Variants in FHIT observed in about 807,000 individuals in gnomAD.
FHIT encodes the protein fragile histidine triad diadenosine triphosphatase.
A neutral mutation model predicts 17.9 loss-of-function variants in FHIT; 19 were observed. That is an observed-to-expected ratio of 1.06 (90% CI 0.74 to 1.56). The LOEUF is 1.56. Among genes scored for constraint, FHIT ranks in the 40% most tolerant of loss-of-function variants. The pLI, the probability that FHIT is intolerant of heterozygous loss-of-function variation, is 0.00. For synonymous variants in FHIT, 81 were observed against 69.7 expected (o/e 1.16, Z -0.81); for missense variants, 248 against 189.2 (o/e 1.31, Z -1.82).
chr3:60,963,923 G>C (rs1023560096), intron 3 of FHIT, among the ~76,000 whole-genome samples: 2 of 152,204 alleles, frequency 1.3e-5, no homozygotes, highest in Non-Finnish European at 2.9e-5. Context: ...TTGGGGTGGA[G>C]AGTTCTGTAG....
chr3:59,873,070 ATTCC>A (rs1197471642), intron 8 of FHIT, among the ~76,000 whole-genome samples: 2 of 152,164 alleles, frequency 1.3e-5, no homozygotes, highest in Admixed American at 6.5e-5. Context: ...TTTTGACACA[ATTCC>A]TTCCTTCCTT....
chr3:60,135,585 T>C (rs1699784028), intron 5 of FHIT, among the ~76,000 whole-genome samples: 1 of 152,076 alleles, frequency 6.6e-6, no homozygotes, highest in African/African-American at 2.4e-5. Context: ...GAAGAGGTTC[T>C]ACATGAAGTA....
chr3:61,010,075 C>T (rs1350829823), intron 3 of FHIT, among the ~76,000 whole-genome samples: 1 of 152,118 alleles, frequency 6.6e-6, no homozygotes, highest in African/African-American at 2.4e-5. Flanking sequence ...TAACAACAAG[C>T]CTCAATGTTC....
intron 5 of FHIT, among the ~76,000 whole-genome samples, chr3:60,035,057 G>C (rs1260540384): frequency 6.6e-6 from 1 of 152,042 alleles, no homozygotes; most frequent in African/African-American, 2.4e-5. Flanking sequence ...AGATAACACA[G>C]AGCACTGAAT....
At chr3:60,193,374 A>G (rs1161982808) in intron 5 of FHIT, among the ~76,000 whole-genome samples, 1 of 152,200 alleles carries the variant, frequency 6.6e-6, no homozygotes, top group Admixed American at 6.5e-5. Context: ...TTGTCTTTCC[A>G]GGCTAACAGA....
chr3:60,823,237 G>A (rs185268504), intron 3 of FHIT, among the ~76,000 whole-genome samples: 2 of 152,204 alleles, frequency 1.3e-5, no homozygotes, highest in African/African-American at 4.8e-5. Flanking sequence ...TAGTTCTAAG[G>A]ACTCTGGAGA....
In FHIT at chr3:59,748,220, A is replaced by G. The variant is rs551952248; in HGVS notation, c.*1365T>C. Among the ~76,000 whole-genome samples, 4 of 152,288 alleles carry G rather than the reference A, an allele frequency of 2.6e-5. No individual in the cohort carries two copies. The highest frequency in any genetic ancestry group is 5.9e-5 in the Non-Finnish European group (4 of 68,016). On this transcript the variant is annotated 3_prime_UTR_variant, in exon 10 of 10. Coordinates refer to ENST00000492590, the MANE Select transcript of FHIT (RefSeq NM_002012.4). ...TTGAGGCTGAAATATAAAGTTTAAG[A>G]TATATATACTAAAATTCAAAAAGTG...
chr3:60,225,260 T>A (rs1704143571), intron 5 of FHIT, among the ~76,000 whole-genome samples: 2 of 152,180 alleles, frequency 1.3e-5, no homozygotes, highest in African/African-American at 4.8e-5. Flanking sequence ...CTTTATCCAG[T>A]GACGTGGTTA....
intron 4 of FHIT, among the ~76,000 whole-genome samples, chr3:60,665,791 C>T (rs1213347682): frequency 2.0e-5 from 3 of 152,028 alleles, no homozygotes; most frequent in Non-Finnish European, 4.4e-5. Context: ...GATAAGTTAG[C>T]ATTTCACTAT....
intron 5 of FHIT, among the ~76,000 whole-genome samples, chr3:60,481,104 A>G (rs1413839688): frequency 6.6e-6 from 1 of 152,164 alleles, no homozygotes; most frequent in East Asian, 1.9e-4. Flanking sequence ...AAATTCCCAA[A>G]GAGTTCCACA....
At chr3:60,477,564 C>T (rs2033408970) in intron 5 of FHIT, among the ~76,000 whole-genome samples, 1 of 152,154 alleles carries the variant, frequency 6.6e-6, no homozygotes, top group African/African-American at 2.4e-5. Flanking sequence ...GAGAACAGTG[C>T]TACTGTTAAA....
chr3:60,521,723 G>A (rs1367225264), intron 5 of FHIT, among the ~76,000 whole-genome samples: 1 of 152,080 alleles, frequency 6.6e-6, no homozygotes, highest in African/African-American at 2.4e-5. Context: ...AAGAATAAAT[G>A]ACCTAAGTTT....
chr3:60,121,395 A>G (rs1338216560), intron 5 of FHIT, among the ~76,000 whole-genome samples: 5 of 152,150 alleles, frequency 3.3e-5, no homozygotes, highest in African/African-American at 1.2e-4. Flanking sequence ...TTGAAAATAC[A>G]TGTGTACAGG....
chr3:60,037,414 A>T (rs1486926524), intron 5 of FHIT, among the ~76,000 whole-genome samples: 1 of 145,126 alleles, frequency 6.9e-6, no homozygotes, highest in Non-Finnish European at 1.5e-5. Flanking sequence ...TTTGAGACGG[A>T]GTCTTGCTCT....
intron 8 of FHIT, among the ~76,000 whole-genome samples, chr3:59,889,216 C>T (rs944266367): frequency 6.6e-6 from 1 of 152,212 alleles, no homozygotes; most frequent in South Asian, 2.1e-4. Context: ...TGCTTGGGCA[C>T]TGACCAATAA....
At chr3:61,225,482 C>G (rs1421122489) in intron 1 of FHIT, among the ~76,000 whole-genome samples, 1 of 152,166 alleles carries the variant, frequency 6.6e-6, no homozygotes, top group African/African-American at 2.4e-5. Flanking sequence ...AAATTCAGAA[C>G]ACAATAGACT....
At chr3:60,414,418 C>G in intron 5 of FHIT, among the ~76,000 whole-genome samples, 1 of 152,164 alleles carries the variant, frequency 6.6e-6, no homozygotes, top group South Asian at 2.1e-4. Context: ...CTGACACATG[C>G]TCAGTGACAA....
rs186976872 is a variant in FHIT at position 60,016,440 on chromosome 3, A to G, written c.104-2288T>C. On this transcript the variant is annotated intron_variant, in intron 5 of 9. Transcript: ENST00000492590. ...ACTGGACTTTAAAAATTGGGGAGTG[A>G]TTTAACCAGTGGATTGGGCTGGCAA... Among the ~76,000 whole-genome samples, 138 of 152,288 alleles carry G rather than the reference A, an allele frequency of 9.1e-4. 3 individuals are homozygous for G. In the South Asian group the frequency reaches 0.027, roughly 29 times the overall value.
chr3:61,189,964 C>T (rs185916654), intron 2 of FHIT, among the ~76,000 whole-genome samples: 1 of 151,396 alleles, frequency 6.6e-6, no homozygotes, highest in South Asian at 2.1e-4. Context: ...AATGTTAGAC[C>T]TAAAACCATA....
Sources: gnomAD v4.1 joint callset for allele counts (sites outside exome capture counted in the v4.1 genomes callset) on GRCh38, gnomAD v4.1.1 for gene constraint, MANE v1.5 for transcripts, NCBI Gene and HGNC (gene_info 2026-07-23, HGNC 2026-07-21) for gene names.